BRWD1: variants seen among roughly 807,000 people sequenced by gnomAD.
BRWD1 encodes bromodomain and WD repeat-containing protein 1.
A neutral mutation model predicts 251.2 loss-of-function variants in BRWD1; 82 were observed. That is an observed-to-expected ratio of 0.33 (90% confidence interval 0.27 to 0.39). BRWD1 has a LOEUF of 0.39. Among genes scored for constraint, BRWD1 ranks in the 10% least tolerant of loss-of-function variants. The probability of loss-of-function intolerance (pLI) is 1.00; values close to 1 mark genes in which losing one functional copy is unlikely to be tolerated. For synonymous variants in BRWD1, 918 were observed against 902.8 expected (o/e 1.02, Z -0.30); for missense variants, 2,233 against 2,711.6 (o/e 0.82, Z 3.92).
Position 39,188,562 on chromosome 21 carries a change from G to C in BRWD1, c.*7697C>G. ...CTTCTGTGAAGATGTTTGCCCTTCT[G>C]TCACAAAGCTGACTGAAGGGCAGAT... On this transcript the variant is annotated 3_prime_UTR_variant, in exon 41 of 41. Coordinates refer to ENST00000342449, the MANE Select transcript of BRWD1 (RefSeq NM_033656.4). The C allele has an allele frequency of 1.0e-6, 1 of 985,376 alleles. No individual in the cohort carries two copies. Among genetic ancestry groups the C allele is most frequent in the African/African-American group, 1.7e-5 (1 of 57,346 alleles). 61.0% of individuals were successfully genotyped at this position (985,376 alleles called of 1,614,324 possible).
At chr21:39,253,447 A>G (rs2034464866) in intron 19 of BRWD1, among the ~76,000 whole-genome samples, 1 of 152,184 alleles carries the variant, frequency 6.6e-6, no homozygotes, top group Admixed American at 6.5e-5. Flanking sequence ...TTGTGTTTTA[A>G]GAAACTAATT....
At chr21:39,264,850 T>TAG (rs2034869926) in intron 16 of BRWD1, 41 bp downstream of exon 16, 1 of 1,598,312 alleles carries the variant, frequency 6.3e-7, no homozygotes, top group Non-Finnish European at 8.5e-7. Context: ...ACACAGCTGA[T>TAG]AACTATTACT....
In BRWD1 at chr21:39,232,385, T is replaced by C. The variant is rs200069774; in HGVS notation, c.2880A>G (p.Gln960=). The C allele has an allele frequency of 6.3e-7, 1 of 1,591,942 alleles. No individual in the cohort carries two copies. Among genetic ancestry groups the C allele is most frequent in the Non-Finnish European group, 8.5e-7 (1 of 1,174,366 alleles). ...GTATTACTCTCACCTCATCACCCAT[T>C]TGAGGAACAAAAGGAGATTTTCTAA... ...TTLRKSPFVP[Q]MGDEVIYFRQ... Residue 960 remains glutamine (Q), a synonymous_variant, in exon 24 of 41, where the codon CAA becomes CAG. Coordinates refer to ENST00000342449, the MANE Select transcript of BRWD1 (RefSeq NM_033656.4).
intron 12 of BRWD1, 22 bp downstream of exon 12, chr21:39,276,151 C>CACAT: frequency 1.3e-6 from 2 of 1,597,780 alleles, no homozygotes; most frequent in Non-Finnish European, 1.7e-6. Flanking sequence ...CACACACACA[C>CACAT]ACATACAAAA....
intron 32 of BRWD1, 132 bp from the exon 33 acceptor site, chr21:39,213,685 T>A: frequency 1.8e-6 from 1 of 561,744 alleles, no homozygotes; most frequent in Non-Finnish European, 3.1e-6. Flanking sequence ...AATATCAGGT[T>A]TTCCCCCAAC....
intron 29 of BRWD1, 59 bp from the exon 30 acceptor site, chr21:39,218,719 C>A (rs538717811): frequency 1.5e-5 from 20 of 1,358,676 alleles, no homozygotes; most frequent in Non-Finnish European, 2.0e-5. Context: ...TAAATATATA[C>A]GGTATTAAAA....
chr21:39,313,568 G>C lies in BRWD1; in HGVS notation c.-77C>G. The C allele has an allele frequency of 1.7e-5, 20 of 1,209,770 alleles. No individual in the cohort carries two copies. Among genetic ancestry groups the C allele is most frequent in the African/African-American group, 3.3e-5 (2 of 60,348 alleles). The allele number at this position is 1,209,770 out of a possible 1,614,324, so 74.9% of individuals were successfully genotyped here. On this transcript the variant is annotated 5_prime_UTR_variant, in exon 1 of 41. Transcript: ENST00000342449. The stretch of plus-strand genomic sequence containing the variant: ...GCCGCGCCGAGGCCTGACCGGGCTG[G>C]CGTCCCCTCTTCTCAGGCGCGCGCC...
chr21:39,265,033 A>G lies in BRWD1; in HGVS notation c.1531-14T>C. ...TTGTCCTTCAATCTAGGAAACACAA[A>G]AGGAAAAAAGTTAGGACCAATTCTA... On this transcript the variant is annotated splice_polypyrimidine_tract_variant and intron_variant, in intron 15 of 40. Coordinates refer to ENST00000342449, the MANE Select transcript of BRWD1 (RefSeq NM_033656.4). The G allele has an allele frequency of 6.2e-7, 1 of 1,607,330 alleles. No individual in the cohort carries two copies. The highest frequency in any genetic ancestry group is 1.3e-5 in the African/African-American group (1 of 74,522).
chr21:39,212,590 C>T (rs1042973258), intron 34 of BRWD1, 76 bp downstream of exon 34: 6 of 1,243,968 alleles, frequency 4.8e-6, no homozygotes, highest in Non-Finnish European at 6.9e-6. Context: ...TTTTCAAAGA[C>T]AAAAACTAAA....
At position 39,213,648 on chromosome 21, in the gene BRWD1, C is replaced by T. The variant is rs188340212; in HGVS notation, c.3786-95G>A. 2,043 of 694,714 alleles carry T rather than the reference C, an allele frequency of 2.9e-3. 24 individuals are homozygous for T. Among genetic ancestry groups the T allele is most frequent in the Middle Eastern group, 0.02 (58 of 2,864 alleles). The allele number at this position is 694,714 out of a possible 1,614,324, so 43.0% of individuals were successfully genotyped here. A position where few individuals can be genotyped will look rare whatever the true frequency, so the allele number is the denominator to read the frequency against. On this transcript the variant is annotated intron_variant, in intron 32 of 40. Coordinates refer to ENST00000342449, the MANE Select transcript of BRWD1 (RefSeq NM_033656.4). ...ATTAAAATATAAACAGTTCACCAAC[C>T]TATACGTGCCTAATTTCAAACAGAG...
Position 39,285,420 on chromosome 21 carries a change from G to C in BRWD1, c.832-5172C>G, listed in dbSNP as rs149110913. On this transcript the variant is annotated intron_variant, in intron 8 of 40. Coordinates refer to ENST00000342449, the MANE Select transcript of BRWD1 (RefSeq NM_033656.4). ...CTGGTGTTCCATTACACAGTAAGGT[G>C]AGTACAGCAAATAACAATGTGATAG... 4.6e-3 allele frequency among the ~76,000 whole-genome samples: 705 copies of C among 152,254 alleles called. 10 individuals are homozygous for C. The highest frequency in any genetic ancestry group is 0.017 in the African/African-American group (686 of 41,548).
At position 39,254,830 on chromosome 21, in the gene BRWD1, T is replaced by C. The variant is rs553607140; in HGVS notation, c.2255+815A>G. Among the ~76,000 whole-genome samples the C allele has an allele frequency of 7.2e-5, 11 of 152,344 alleles. No homozygotes were observed. In the East Asian group the frequency reaches 1.9e-3, roughly 27 times the overall value. ...AAAAACCGAGGAGGCTATTTATGTG[T>C]GCCTTCTGATAGAATTATCACTTAT... On this transcript the variant is annotated intron_variant, in intron 19 of 40. Transcript: ENST00000342449.
chr21:39,205,190 C>T (rs1342555874), intron 37 of BRWD1, among the ~76,000 whole-genome samples: 1 of 152,182 alleles, frequency 6.6e-6, no homozygotes, highest in Non-Finnish European at 1.5e-5. Flanking sequence ...AAAATGCATA[C>T]AGGCTGGGCG....
rs1479267300 is a variant in BRWD1, at chr21:39,265,031, A to G, written c.1531-12T>C. ...CCTTGTCCTTCAATCTAGGAAACAC[A>G]AAAGGAAAAAAGTTAGGACCAATTC... On this transcript the variant is annotated splice_polypyrimidine_tract_variant and intron_variant, in intron 15 of 40. Transcript: ENST00000342449. 6.2e-7 allele frequency: 1 copy of G among 1,607,052 alleles called. No individual in the cohort carries two copies. Among genetic ancestry groups the G allele is most frequent in the East Asian group, 2.2e-5 (1 of 44,810 alleles).
chr21:39,197,434 A>G lies in BRWD1; in HGVS notation c.5654-19T>C. ...GCAGAATCTAAAAGTTAAAGAGCAG[A>G]TTTCTATTAATCTTTTGTAAGTCTA... On this transcript the variant is annotated intron_variant, in intron 40 of 40. Transcript: ENST00000342449. The G allele has an allele frequency of 6.6e-7, 1 of 1,511,660 alleles. No individual in the cohort carries two copies. Among genetic ancestry groups the G allele is most frequent in the Non-Finnish European group, 8.9e-7 (1 of 1,123,058 alleles). The allele number at this position is 1,511,660 out of a possible 1,614,324, so 93.6% of individuals were successfully genotyped here.
At chr21:39,302,919 G>A (rs1202870214) in intron 4 of BRWD1, among the ~76,000 whole-genome samples, 1 of 151,894 alleles carries the variant, frequency 6.6e-6, no homozygotes, top group Non-Finnish European at 1.5e-5. Flanking sequence ...AAGTAGCTGG[G>A]TGTGGTGGCA....
intron 17 of BRWD1, among the ~76,000 whole-genome samples, chr21:39,259,849 T>C (rs2034683354): frequency 6.6e-6 from 1 of 151,506 alleles, no homozygotes; most frequent in Admixed American, 6.6e-5. Flanking sequence ...AAAAAATAAA[T>C]AAATAAAATT....
chr21:39,264,503 A>G lies in BRWD1; in HGVS notation c.1842T>C (p.Ser614=), dbSNP rs532220860. 1.2e-5 allele frequency: 20 copies of G among 1,611,560 alleles called. No individual in the cohort carries two copies. Among genetic ancestry groups the G allele is most frequent in the Non-Finnish European group, 1.6e-5 (19 of 1,179,572 alleles). The change falls in exon 17 of 41, where the codon TCT becomes TCC. Residue 614 remains serine (S), a synonymous_variant. Transcript: ENST00000342449. Reference sequence around the variant, plus strand: ...GCTGTGGAATCAAATGTTCATCTGCAGAATTTTCTCGGCCTGGTACTAATC... The same window carrying G: ...GCTGTGGAATCAAATGTTCATCTGCGGAATTTTCTCGGCCTGGTACTAATC... ...YQRLVPGREN[S]ADEHLIPQLG...
intron 38 of BRWD1, 55 bp downstream of exon 38, chr21:39,202,270 A>G (rs1033053152): frequency 7.6e-7 from 1 of 1,314,054 alleles, no homozygotes; most frequent in African/African-American, 1.5e-5. Context: ...AGTAACGGCC[A>G]GTGTTACACA....
Sources: gnomAD v4.1 joint callset for allele counts (sites outside exome capture counted in the v4.1 genomes callset) on GRCh38, gnomAD v4.1.1 for gene constraint, MANE v1.5 for transcripts, NCBI Gene and HGNC (gene_info 2026-07-23, HGNC 2026-07-21) for gene names.